PHACTR3: variants seen among roughly 807,000 people sequenced by gnomAD.
The protein encoded by PHACTR3 is protein phosphatase 1, regulatory subunit 123.
Under a neutral mutation model 66.8 loss-of-function variants are expected in PHACTR3, and 16 were observed. That is an observed-to-expected ratio of 0.24 (90% CI 0.16 to 0.36). PHACTR3 has a LOEUF of 0.36. Among genes scored for constraint, PHACTR3 ranks in the 10% least tolerant of loss-of-function variants. The probability of loss-of-function intolerance (pLI) is 1.00; values close to 1 mark genes in which losing one functional copy is unlikely to be tolerated. For missense variants in PHACTR3, 647 were observed against 719.9 expected (o/e 0.90, Z 1.16); for synonymous variants, 323 against 292.1 (o/e 1.11, Z -1.08).
intron 8 of PHACTR3, 97 bp from the exon 9 acceptor site, chr20:59,836,408 T>A: frequency 8.5e-7 from 1 of 1,177,236 alleles, no homozygotes; most frequent in Non-Finnish European, 1.2e-6. Context: ...AGGCGATCTA[T>A]AGGGGTTTGC....
At chr20:59,588,293 C>A (rs139514332) in intron 1 of PHACTR3, among the ~76,000 whole-genome samples, 1 of 152,114 alleles carries the variant, frequency 6.6e-6, no homozygotes, top group Non-Finnish European at 1.5e-5. Flanking sequence ...TAAAAAGACC[C>A]GGTTGAATAT....
chr20:59,654,313 A>T (rs1379753479), intron 1 of PHACTR3, among the ~76,000 whole-genome samples: 1 of 152,214 alleles, frequency 6.6e-6, no homozygotes, highest in Non-Finnish European at 1.5e-5. Context: ...TCTTCTTTAT[A>T]GAAAAATTTT....
chr20:59,685,011 G>T (rs538595261), intron 1 of PHACTR3, among the ~76,000 whole-genome samples: 1 of 152,104 alleles, frequency 6.6e-6, no homozygotes, highest in African/African-American at 2.4e-5. Flanking sequence ...TTGGTCTGGC[G>T]TGTCCTCCCC....
chr20:59,715,856 G>A (rs2038072963), intron 1 of PHACTR3, among the ~76,000 whole-genome samples: 1 of 151,942 alleles, frequency 6.6e-6, no homozygotes, highest in Non-Finnish European at 1.5e-5. Context: ...TCTCCTAGTG[G>A]GAATGATTCA....
intron 1 of PHACTR3, among the ~76,000 whole-genome samples, chr20:59,610,963 A>G (rs1049196666): frequency 2.6e-5 from 4 of 152,252 alleles, no homozygotes; most frequent in Non-Finnish European, 5.9e-5. Flanking sequence ...GAACTCATTT[A>G]TTTCAATTTA....
At chr20:59,644,163 C>A (rs1041607709) in intron 1 of PHACTR3, among the ~76,000 whole-genome samples, 1 of 152,144 alleles carries the variant, frequency 6.6e-6, no homozygotes. Flanking sequence ...AAGGCCATTG[C>A]GTGCCTGCAG....
chr20:59,773,229 G>A lies in PHACTR3; in HGVS notation c.752-50G>A, dbSNP rs779340811. 16 of 1,574,354 alleles carry A rather than the reference G, an allele frequency of 1.0e-5. No homozygotes were observed. The South Asian group carries it at 1.9e-4, about 19-fold the overall frequency. On this transcript the variant is annotated intron_variant, in intron 5 of 12. Transcript: ENST00000371015. Reference sequence around the variant, plus strand: ...GTCCCCAGTCTCAGCAAAACCCTTGGTCCCAGCTCCTGAAGACCTATGTTC... The same window carrying A: ...GTCCCCAGTCTCAGCAAAACCCTTGATCCCAGCTCCTGAAGACCTATGTTC...
intron 11 of PHACTR3, among the ~76,000 whole-genome samples, chr20:59,842,274 A>G (rs370591868): frequency 1.3e-5 from 2 of 152,204 alleles, no homozygotes; most frequent in Non-Finnish European, 2.9e-5. Flanking sequence ...TAATTTTCAG[A>G]AGACTTAAAG....
chr20:59,721,908 CGTCA>C (rs1466075500), intron 1 of PHACTR3, among the ~76,000 whole-genome samples: 1 of 152,118 alleles, frequency 6.6e-6, no homozygotes, highest in Non-Finnish European at 1.5e-5. Flanking sequence ...CACAAGACGA[CGTCA>C]AAGAGTGACA....
chr20:59,745,639 AAAG>A (rs1285928047), intron 2 of PHACTR3, among the ~76,000 whole-genome samples: 1 of 152,266 alleles, frequency 6.6e-6, no homozygotes, highest in African/African-American at 2.4e-5. Flanking sequence ...AAGTGAATGC[AAAG>A]ATGATTGAAA....
intron 8 of PHACTR3, among the ~76,000 whole-genome samples, chr20:59,806,925 G>T (rs1281176488): frequency 6.6e-6 from 1 of 152,174 alleles, no homozygotes; most frequent in Non-Finnish European, 1.5e-5. Context: ...CATAGAAAAG[G>T]TACAGTAAAA....
intron 8 of PHACTR3, among the ~76,000 whole-genome samples, chr20:59,812,920 TCA>T (rs1318446012): frequency 2.0e-5 from 3 of 152,172 alleles, no homozygotes; most frequent in African/African-American, 7.2e-5. Flanking sequence ...TCCCTGGGTC[TCA>T]CAGTTCATGA....
At chr20:59,635,731 C>T (rs542263696) in intron 1 of PHACTR3, among the ~76,000 whole-genome samples, 8 of 152,288 alleles carry the variant, frequency 5.3e-5, no homozygotes, top group South Asian at 2.1e-4. Flanking sequence ...TTGTATGGCG[C>T]GTAAGAGGGG....
Position 59,604,736 on chromosome 20 carries a change from G to T in PHACTR3, c.-279G>T. 1 of 1,095,848 alleles carries T rather than the reference G, an allele frequency of 9.1e-7. No homozygotes were observed. 67.9% of individuals were successfully genotyped at this position (1,095,848 alleles called of 1,614,324 possible). ...TTTTTTTTTCCCTGGAATATAGACT[G>T]AAGAATGGGAATAAACACGAATAAA... On this transcript the variant is annotated 5_prime_UTR_variant, in exon 1 of 13. Coordinates refer to ENST00000371015, the MANE Select transcript of PHACTR3 (RefSeq NM_080672.5).
chr20:59,692,283 A>T (rs1345139814), intron 1 of PHACTR3, among the ~76,000 whole-genome samples: 1 of 152,234 alleles, frequency 6.6e-6, no homozygotes, highest in African/African-American at 2.4e-5. Flanking sequence ...CTAGAATGGT[A>T]ATAAATAGAA....
intron 8 of PHACTR3, among the ~76,000 whole-genome samples, chr20:59,828,645 GT>G (rs1398323927): frequency 1.3e-5 from 2 of 151,986 alleles, no homozygotes; most frequent in African/African-American, 4.8e-5. Context: ...CAGGGACAGT[GT>G]GAACAGCCAC....
intron 8 of PHACTR3, chr20:59,836,263 G>C: frequency 2.1e-6 from 1 of 487,024 alleles, no homozygotes; most frequent in Non-Finnish European, 3.6e-6. Context: ...ACCTGCACAT[G>C]TGGAGCTGGA....
At chr20:59,620,912 C>G (rs1290823346) in intron 1 of PHACTR3, among the ~76,000 whole-genome samples, 2 of 152,174 alleles carry the variant, frequency 1.3e-5, no homozygotes, top group Admixed American at 6.5e-5. Flanking sequence ...CCCCACGCTC[C>G]CATGTATTTA....
chr20:59,715,788 G>C (rs2038070234), intron 1 of PHACTR3, among the ~76,000 whole-genome samples: 1 of 151,766 alleles, frequency 6.6e-6, no homozygotes, highest in Non-Finnish European at 1.5e-5. Context: ...CTTTACGTGA[G>C]GTTCCAAGTT....
Sources: gnomAD v4.1 joint callset for allele counts (sites outside exome capture counted in the v4.1 genomes callset) on GRCh38, gnomAD v4.1.1 for gene constraint, MANE v1.5 for transcripts, NCBI Gene and HGNC (gene_info 2026-07-23, HGNC 2026-07-21) for gene names.